ZNF804A: variants seen among roughly 807,000 people sequenced by gnomAD.
ZNF804A encodes zinc finger protein 804A.
A neutral mutation model predicts 16.5 loss-of-function variants in ZNF804A; 2 were observed. That is an observed-to-expected ratio of 0.12 (90% CI 0.05 to 0.38). The LOEUF (loss-of-function observed/expected upper bound fraction) is 0.38. ZNF804A is among the 10% of genes least tolerant of loss of function. The pLI is 0.99. For missense variants in ZNF804A, 1,473 were observed against 1,390.7 expected (o/e 1.06, Z -0.94); for synonymous variants, 534 against 489.6 (o/e 1.09, Z -1.20).
intron 1 of ZNF804A, among the ~76,000 whole-genome samples, chr2:184,602,338 T>C (rs1448177363): frequency 6.6e-6 from 1 of 152,010 alleles, no homozygotes; most frequent in Admixed American, 6.5e-5. Context: ...TGTGATATAG[T>C]TTTAATTTCA....
rs751367314 is a variant in ZNF804A, at chr2:184,933,665, T to C, written c.318T>C (p.Asp106=). ...ATGTAGCATCTAAATCCAGGAAAGA[T>C]GAAAGAAAACAGGAAAAGGCACTCC... ...ARNVASKSRK[D]ERKQEKALQR... is the part of the protein sequence containing the mutation. Residue 106 remains aspartate (D), a synonymous_variant, in exon 3 of 4, where the codon GAT becomes GAC. Transcript: ENST00000302277. 5 of 1,610,752 alleles carry C rather than the reference T, an allele frequency of 3.1e-6. No individual in the cohort carries two copies. Among genetic ancestry groups the C allele is most frequent in the Middle Eastern group, 1.7e-4 (1 of 6,050 alleles).
chr2:184,897,182 T>G (rs1221175919), intron 2 of ZNF804A, among the ~76,000 whole-genome samples: 1 of 152,060 alleles, frequency 6.6e-6, no homozygotes, highest in Admixed American at 6.6e-5. Flanking sequence ...GGCTATGTTT[T>G]GGGGGGAAGA....
rs1052399191 is a variant in ZNF804A at position 184,781,160 on chromosome 2, T to G, written c.112-85209T>G. On this transcript the variant is annotated intron_variant, in intron 1 of 3. Transcript: ENST00000302277. ...TTGTATTTCTTCCAGAACTCTAGAT[T>G]TGGGGAAACAGAGACATCATTGCAG... Among the ~76,000 whole-genome samples, 13 of 151,864 alleles carry G rather than the reference T, an allele frequency of 8.6e-5. No homozygotes were observed. The South Asian group carries it at 1.9e-3, about 22-fold the overall frequency.
chr2:184,621,839 A>G (rs1373849584), intron 1 of ZNF804A, among the ~76,000 whole-genome samples: 1 of 151,842 alleles, frequency 6.6e-6, no homozygotes, highest in Non-Finnish European at 1.5e-5. Context: ...TCTTAATAGC[A>G]TTATGCTATC....
At chr2:184,896,245 T>C (rs769418377) in intron 2 of ZNF804A, among the ~76,000 whole-genome samples, 1 of 152,092 alleles carries the variant, frequency 6.6e-6, no homozygotes, top group Non-Finnish European at 1.5e-5. Flanking sequence ...CCCAAGGTGC[T>C]CTAACTCCCT....
intron 2 of ZNF804A, among the ~76,000 whole-genome samples, chr2:184,896,766 C>T (rs527583961): frequency 5.5e-4 from 83 of 151,414 alleles, no homozygotes; most frequent in African/African-American, 2.0e-3. Context: ...TAAAAGTCAT[C>T]CTTACATATA....
At chr2:184,895,400 G>A (rs966540191) in intron 2 of ZNF804A, among the ~76,000 whole-genome samples, 6 of 152,182 alleles carry the variant, frequency 3.9e-5, no homozygotes, top group Non-Finnish European at 8.8e-5. Context: ...TTATTGTTAT[G>A]AACAAAGTCA....
At chr2:184,929,073 C>T (rs887160084) in intron 2 of ZNF804A, among the ~76,000 whole-genome samples, 3 of 151,914 alleles carry the variant, frequency 2.0e-5, no homozygotes, top group Admixed American at 6.6e-5. Flanking sequence ...TCCTTGTGGG[C>T]GGGGGGAAGA....
chr2:184,878,930 T>A (rs1201944066), intron 2 of ZNF804A, among the ~76,000 whole-genome samples: 1 of 151,936 alleles, frequency 6.6e-6, no homozygotes, highest in Non-Finnish European at 1.5e-5. Context: ...TATGGAATGG[T>A]TCATTTATTA....
At position 184,918,064 on chromosome 2, in the gene ZNF804A, C is replaced by T. The variant is rs149844398; in HGVS notation, c.256-15539C>T. On this transcript the variant is annotated intron_variant, in intron 2 of 3. Transcript: ENST00000302277. ...AATTGTTGTATTTTTCCATTGATGTCAGTCACAGGAAATGGTAATACTAAG... is the reference window on the plus strand; with the variant it reads ...AATTGTTGTATTTTTCCATTGATGTTAGTCACAGGAAATGGTAATACTAAG... Among the ~76,000 whole-genome samples, 564 of 152,118 alleles carry T rather than the reference C, an allele frequency of 3.7e-3. 3 individuals carry two copies. Among genetic ancestry groups the T allele is most frequent in the African/African-American group, 0.013 (543 of 41,490 alleles).
chr2:184,863,001 G>A (rs1695822301), intron 1 of ZNF804A, among the ~76,000 whole-genome samples: 1 of 152,046 alleles, frequency 6.6e-6, no homozygotes, highest in African/African-American at 2.4e-5. Context: ...AATATTTACA[G>A]ATAAAGTGAT....
intron 1 of ZNF804A, among the ~76,000 whole-genome samples, chr2:184,744,147 T>G (rs1048089452): frequency 2.0e-5 from 3 of 151,962 alleles, no homozygotes; most frequent in Admixed American, 6.6e-5. Context: ...TGAGCCTTTA[T>G]GTATCTAGGT....
At chr2:184,704,781 G>C (rs529032021) in intron 1 of ZNF804A, among the ~76,000 whole-genome samples, 16 of 152,122 alleles carry the variant, frequency 1.1e-4, no homozygotes, top group Non-Finnish European at 1.9e-4. Context: ...ACAAAAGTGA[G>C]GGACAATGCA....
chr2:184,718,497 C>T lies in ZNF804A; in HGVS notation c.111+119427C>T, dbSNP rs1243708069. The stretch of plus-strand genomic sequence containing the variant: ...TCTGAGACAAGGCAAGTCCCTTCTA[C>T]CTATGAGCCTATGAAATAAAAAGCA... On this transcript the variant is annotated intron_variant, in intron 1 of 3. Transcript: ENST00000302277. Among the ~76,000 whole-genome samples, 9 of 152,132 alleles carry T rather than the reference C, an allele frequency of 5.9e-5. No individual in the cohort carries two copies. In the South Asian group the frequency reaches 1.2e-3, roughly 21 times the overall value.
intron 1 of ZNF804A, among the ~76,000 whole-genome samples, chr2:184,730,653 T>C (rs1374271270): frequency 5.3e-5 from 8 of 152,212 alleles, no homozygotes; most frequent in Non-Finnish European, 1.2e-4. Flanking sequence ...TTGCTTCTTT[T>C]ACTTGGTGCT....
At chr2:184,764,748 C>A (rs1439462646) in intron 1 of ZNF804A, among the ~76,000 whole-genome samples, 1 of 151,826 alleles carries the variant, frequency 6.6e-6, no homozygotes, top group African/African-American at 2.4e-5. Context: ...CCAAATCATC[C>A]CCTTGATATT....
intron 1 of ZNF804A, among the ~76,000 whole-genome samples, chr2:184,853,409 T>C (rs979657015): frequency 2.0e-5 from 3 of 151,872 alleles, no homozygotes; most frequent in African/African-American, 7.2e-5. Flanking sequence ...CCTAATTGTA[T>C]GGATAGGACT....
chr2:184,822,392 C>T (rs973757507), intron 1 of ZNF804A, among the ~76,000 whole-genome samples: 1 of 152,026 alleles, frequency 6.6e-6, no homozygotes. Flanking sequence ...GGGAACGACA[C>T]ACACTGGGGC....
chr2:184,809,841 T>C (rs190438750), intron 1 of ZNF804A, among the ~76,000 whole-genome samples: 1 of 152,238 alleles, frequency 6.6e-6, no homozygotes, highest in East Asian at 1.9e-4. Context: ...CTCTCGTATA[T>C]TTTGCTTTAT....
Sources: allele counts gnomAD v4.1 joint callset (sites outside exome capture counted in the v4.1 genomes callset), GRCh38; gene constraint gnomAD v4.1.1; transcripts MANE v1.5; gene names NCBI Gene and HGNC (gene_info 2026-07-23, HGNC 2026-07-21).